PIP5K1A: variants seen among roughly 807,000 people sequenced by gnomAD.
PIP5K1A encodes the protein phosphatidylinositol-4-phosphate 5-kinase type 1 alpha.
PIP5K1A carries 46 observed loss-of-function variants against 72.9 expected under a neutral mutation model. The ratio of observed to expected loss-of-function variants is 0.63; its 90% CI spans 0.50 to 0.81. The LOEUF (loss-of-function observed/expected upper bound fraction) is 0.81. Among genes scored for constraint, PIP5K1A ranks in the 30% least tolerant of loss-of-function variants. The pLI is 0.00. For missense variants in PIP5K1A, 458 were observed against 706.1 expected (o/e 0.65, Z 3.98); for synonymous variants, 228 against 255.1 (o/e 0.89, Z 1.01).
At chr1:151,218,470 AGTTT>A (rs1400450859) in intron 1 of PIP5K1A, among the ~76,000 whole-genome samples, 1 of 152,162 alleles carries the variant, frequency 6.6e-6, no homozygotes, top group East Asian at 1.9e-4. Context: ...AGATTTATTT[AGTTT>A]GTTAGAGCAT....
chr1:151,235,726 T>C (rs1259823035), intron 8 of PIP5K1A, among the ~76,000 whole-genome samples: 5 of 152,238 alleles, frequency 3.3e-5, no homozygotes, highest in South Asian at 2.1e-4. Flanking sequence ...GTTCTCTTCA[T>C]GGAGACATAC....
chr1:151,235,058 A>G (rs772905618), intron 8 of PIP5K1A, among the ~76,000 whole-genome samples: 6 of 152,122 alleles, frequency 3.9e-5, no homozygotes, highest in African/African-American at 9.7e-5. Flanking sequence ...CCTGTCACCA[A>G]TGGATAAATG....
At chr1:151,200,904 A>G (rs1685130707) in intron 1 of PIP5K1A, among the ~76,000 whole-genome samples, 1 of 152,046 alleles carries the variant, frequency 6.6e-6, no homozygotes. Flanking sequence ...ATCTCGGCTC[A>G]CTGCAAGCTC....
chr1:151,219,376 C>T (rs949651129), intron 1 of PIP5K1A, among the ~76,000 whole-genome samples: 3 of 129,246 alleles, frequency 2.3e-5, no homozygotes, highest in Non-Finnish European at 3.2e-5. Context: ...GCAAGACTCT[C>T]GTCTCAAAAA....
At chr1:151,200,977 C>CTA in intron 1 of PIP5K1A, among the ~76,000 whole-genome samples, 1 of 152,076 alleles carries the variant, frequency 6.6e-6, no homozygotes, top group East Asian at 1.9e-4. Context: ...CTACAGGCGC[C>CTA]CACCACCACG....
At chr1:151,220,294 G>A (rs190325237) in intron 1 of PIP5K1A, among the ~76,000 whole-genome samples, 1 of 151,206 alleles carries the variant, frequency 6.6e-6, no homozygotes, top group Non-Finnish European at 1.5e-5. Flanking sequence ...ATGAGCCACC[G>A]CACCCGGCTT....
At chr1:151,246,785 C>T in intron 14 of PIP5K1A, 135 bp from the exon 15 acceptor site, 2 of 622,038 alleles carry the variant, frequency 3.2e-6, no homozygotes, top group Non-Finnish European at 5.8e-6. Context: ...AGTAGCTTCT[C>T]AGCCTCTTCT....
intron 12 of PIP5K1A, among the ~76,000 whole-genome samples, chr1:151,241,502 CAAAGAA>C (rs1364845230): frequency 2.0e-5 from 3 of 151,276 alleles, no homozygotes; most frequent in Admixed American, 6.6e-5. Context: ...AGACTCTCGT[CAAAGAA>C]AAAGAAAAAG....
chr1:151,213,541 G>A (rs1251402969), intron 1 of PIP5K1A: 2 of 152,152 alleles, frequency 1.3e-5, no homozygotes, highest in African/African-American at 4.8e-5. Context: ...TATATGTGCT[G>A]ATACAGGTAT....
chr1:151,200,398 A>G (rs1685053277), intron 1 of PIP5K1A, among the ~76,000 whole-genome samples: 1 of 123,714 alleles, frequency 8.1e-6, no homozygotes, highest in African/African-American at 3.1e-5. Flanking sequence ...TGTAGGGGAG[A>G]AAGTGTGTGT....
intron 1 of PIP5K1A, among the ~76,000 whole-genome samples, chr1:151,212,153 A>C (rs1686917186): frequency 6.6e-6 from 1 of 151,796 alleles, no homozygotes; most frequent in Non-Finnish European, 1.5e-5. Context: ...TCTTCAAGTT[A>C]TCTCTTAAAC....
chr1:151,224,337 C>T (rs200506595), intron 2 of PIP5K1A, 34 bp from the exon 3 acceptor site: 155 of 1,608,304 alleles, frequency 9.6e-5, no homozygotes, highest in Admixed American at 1.5e-4. Context: ...TAGAAGGAAC[C>T]TGTTTATGAC....
intron 1 of PIP5K1A, among the ~76,000 whole-genome samples, chr1:151,220,667 A>T (rs1688288384): frequency 6.6e-6 from 1 of 152,088 alleles, no homozygotes; most frequent in Non-Finnish European, 1.5e-5. Context: ...GGGTTTCGCC[A>T]TGTTGGCAAG....
intron 14 of PIP5K1A, among the ~76,000 whole-genome samples, chr1:151,245,568 C>T (rs954245246): frequency 6.6e-6 from 1 of 152,158 alleles, no homozygotes; most frequent in African/African-American, 2.4e-5. Flanking sequence ...CAGGGTCTCC[C>T]TCTGTCACCC....
At chr1:151,208,980 C>T (rs1361672814) in intron 1 of PIP5K1A, among the ~76,000 whole-genome samples, 2 of 151,322 alleles carry the variant, frequency 1.3e-5, no homozygotes, top group Non-Finnish European at 2.9e-5. Context: ...GATCTGCCTG[C>T]CTCGGCCTCC....
Position 151,232,360 on chromosome 1 carries a change from T to C in PIP5K1A, c.481T>C (p.Tyr161His), listed in dbSNP as rs764247872. Reference protein sequence around the residue: ...RELFGIRPDDYLYSLCSEPLI... With the variant: ...RELFGIRPDDHLYSLCSEPLI... ...GCTATTTGGTATCCGGCCCGATGAT[T>C]ACTTGGTAAGCATCTGGATATCAGG... is the stretch of plus-strand genomic sequence containing the variant. Residue 161 changes from tyrosine to histidine, a missense_variant, in exon 6 of 16, where the codon TAC becomes CAC. By Grantham distance (83) the Tyr-to-His change is moderately conservative. Coordinates refer to ENST00000368888, the MANE Select transcript of PIP5K1A (RefSeq NM_001135638.2). 1.9e-6 allele frequency: 3 copies of C among 1,609,220 alleles called. No individual in the cohort carries two copies.
At chr1:151,240,930 C>T (rs1421856759) in intron 12 of PIP5K1A, among the ~76,000 whole-genome samples, 1 of 152,076 alleles carries the variant, frequency 6.6e-6, no homozygotes, top group Non-Finnish European at 1.5e-5. Context: ...TTTGGGAGGC[C>T]AAAGCAGGTG....
chr1:151,205,596 C>T (rs367816634), intron 1 of PIP5K1A, among the ~76,000 whole-genome samples: 9 of 151,856 alleles, frequency 5.9e-5, no homozygotes, highest in African/African-American at 2.2e-4. Flanking sequence ...CACCTGAGGT[C>T]AGGAGTTCCA....
At chr1:151,233,006 A>G (rs920182027) in intron 7 of PIP5K1A, among the ~76,000 whole-genome samples, 1 of 150,292 alleles carries the variant, frequency 6.7e-6, no homozygotes, top group Non-Finnish European at 1.5e-5. Flanking sequence ...AGGCTGAGAC[A>G]GGAGAATGGC....
Sources: allele counts gnomAD v4.1 joint callset (sites outside exome capture counted in the v4.1 genomes callset), GRCh38; gene constraint gnomAD v4.1.1; transcripts MANE v1.5; gene names NCBI Gene and HGNC (gene_info 2026-07-23, HGNC 2026-07-21).